PCDHA8: variants seen among roughly 807,000 people sequenced by gnomAD.
The protein encoded by PCDHA8 is protocadherin alpha 8.
A neutral mutation model predicts 61.8 loss-of-function variants in PCDHA8; 53 were observed. The observed-to-expected ratio is 0.86, with a 90% CI of 0.69 to 1.08. The LOEUF (loss-of-function observed/expected upper bound fraction) is 1.08, where lower values mean the gene tolerates loss of function less well. PCDHA8 is among the 50% of genes least tolerant of loss of function. PCDHA8 has a pLI of 0.00. For missense variants in PCDHA8, 1,293 were observed against 1,245.0 expected (o/e 1.04, Z -0.58); for synonymous variants, 618 against 556.6 (o/e 1.11, Z -1.55).
intron 1 of PCDHA8, chr5:140,876,134 A>T: frequency 6.2e-7 from 1 of 1,613,962 alleles, no homozygotes; most frequent in Non-Finnish European, 8.5e-7. Flanking sequence ...GGTAAACCAG[A>T]ACTAACAGGG....
intron 1 of PCDHA8, among the ~76,000 whole-genome samples, chr5:140,906,410 A>T (rs1454575995): frequency 6.6e-6 from 1 of 152,246 alleles, no homozygotes; most frequent in Non-Finnish European, 1.5e-5. Flanking sequence ...ATATGAAGTC[A>T]ATAAATCTTA....
At chr5:140,978,703 G>A (rs556167285) in intron 1 of PCDHA8, among the ~76,000 whole-genome samples, 9 of 152,210 alleles carry the variant, frequency 5.9e-5, no homozygotes, top group Non-Finnish European at 1.3e-4. Flanking sequence ...AGCCAAAGGT[G>A]GCCTTTACAA....
At chr5:140,852,630 T>C in intron 1 of PCDHA8, 1 of 954,540 alleles carries the variant, frequency 1.0e-6, no homozygotes, top group Non-Finnish European at 1.3e-6. Context: ...GTCTCTGAGC[T>C]CCTGTCATTA....
intron 1 of PCDHA8, chr5:140,969,328 T>C (rs2096319778): frequency 1.2e-6 from 2 of 1,614,124 alleles, no homozygotes; most frequent in Admixed American, 1.7e-5. Flanking sequence ...TTTCTCAAAA[T>C]GAGGTGAGAC....
intron 3 of PCDHA8, among the ~76,000 whole-genome samples, chr5:140,982,945 G>A (rs2097017253): frequency 6.6e-6 from 1 of 151,722 alleles, no homozygotes; most frequent in Non-Finnish European, 1.5e-5. Flanking sequence ...TTTGGTTGAA[G>A]ACTATGGAAA....
At chr5:141,008,557 T>G (rs1394611167) in intron 3 of PCDHA8, among the ~76,000 whole-genome samples, 3 of 152,218 alleles carry the variant, frequency 2.0e-5, no homozygotes, top group African/African-American at 7.2e-5. Flanking sequence ...CTCCTGTGGA[T>G]GCATAATCAT....
intron 1 of PCDHA8, among the ~76,000 whole-genome samples, chr5:140,901,976 T>C (rs1470395593): frequency 6.6e-6 from 1 of 152,164 alleles, no homozygotes; most frequent in African/African-American, 2.4e-5. Context: ...ATGGGATTAC[T>C]TTTTAATTTC....
At chr5:140,851,465 C>A in intron 1 of PCDHA8, 1 of 894,660 alleles carries the variant, frequency 1.1e-6, no homozygotes, top group Non-Finnish European at 1.4e-6. Flanking sequence ...CAAATTATGT[C>A]AATAAATGTT....
chr5:141,003,589 A>G (rs781995684), intron 3 of PCDHA8, among the ~76,000 whole-genome samples: 9 of 152,170 alleles, frequency 5.9e-5, no homozygotes, highest in Non-Finnish European at 1.3e-4. Context: ...CTGGGATTTT[A>G]GATGTGAGCC....
chr5:140,957,937 A>G (rs2095399590), intron 1 of PCDHA8, among the ~76,000 whole-genome samples: 1 of 152,112 alleles, frequency 6.6e-6, no homozygotes, highest in Admixed American at 6.5e-5. Flanking sequence ...AAATAATTTA[A>G]AGATCTTTAA....
chr5:140,918,901 CTT>C (rs1386679785), intron 1 of PCDHA8, among the ~76,000 whole-genome samples: 6 of 152,198 alleles, frequency 3.9e-5, no homozygotes, highest in African/African-American at 1.4e-4. Flanking sequence ...ATAAATCTCT[CTT>C]GTTTATTAAC....
chr5:140,937,795 C>T (rs1472022589), intron 1 of PCDHA8, among the ~76,000 whole-genome samples: 1 of 151,670 alleles, frequency 6.6e-6, no homozygotes, highest in Non-Finnish European at 1.5e-5. Context: ...GTATGTAGTC[C>T]CAGCTACTCG....
intron 1 of PCDHA8, among the ~76,000 whole-genome samples, chr5:140,916,285 G>A (rs530335868): frequency 1.2e-4 from 18 of 152,154 alleles, no homozygotes; most frequent in Non-Finnish European, 2.4e-4. Flanking sequence ...TCTACTCCAC[G>A]TGGCCAAACT....
intron 1 of PCDHA8, chr5:140,848,937 C>G: frequency 1.2e-6 from 2 of 1,607,518 alleles, no homozygotes; most frequent in Non-Finnish European, 1.7e-6. Context: ...ATCCAGGCCG[C>G]TTGACTCTCG....
intron 1 of PCDHA8, chr5:140,875,922 T>C: frequency 6.2e-7 from 1 of 1,614,200 alleles, no homozygotes; most frequent in South Asian, 1.1e-5. Context: ...CTCTGGACTC[T>C]CATTTTCCTC....
At chr5:140,856,346 G>T in intron 1 of PCDHA8, 1 of 1,598,632 alleles carries the variant, frequency 6.3e-7, no homozygotes, top group Non-Finnish European at 8.6e-7. Context: ...GCGGAGCGTG[G>T]AGTGCAGCAT....
At chr5:140,967,155 C>A (rs1554229255) in intron 1 of PCDHA8, 1 of 1,610,598 alleles carries the variant, frequency 6.2e-7, no homozygotes, top group Admixed American at 1.7e-5. Context: ...AACCCCGTGG[C>A]GGTGAGCGCC....
chr5:141,010,325 G>T lies in PCDHA8; in HGVS notation c.*388G>T. On this transcript the variant is annotated 3_prime_UTR_variant, in exon 4 of 4. Coordinates refer to ENST00000531613, the MANE Select transcript of PCDHA8 (RefSeq NM_018911.3). Reference sequence around the variant, plus strand: ...GAAAAGTTTTGAGATTGAGCAGCTTGGGAGTTTGTGGCCACTGGGTATGTG... The same window carrying T: ...GAAAAGTTTTGAGATTGAGCAGCTTTGGAGTTTGTGGCCACTGGGTATGTG... 1 of 1,539,506 alleles carries T rather than the reference G, an allele frequency of 6.5e-7. No individual in the cohort carries two copies. The highest frequency in any genetic ancestry group is 8.7e-7 in the Non-Finnish European group (1 of 1,142,888).
rs1443126988 is a variant in PCDHA8 at position 140,960,088 on chromosome 5, A to G, written c.2395-18861A>G. Among the ~76,000 whole-genome samples, 6 of 152,248 alleles carry G rather than the reference A, an allele frequency of 3.9e-5. No homozygotes were observed. The East Asian group carries it at 5.8e-4, about 15-fold the overall frequency. ...TTCAATTGAAGTTTCTAAAAGAGAA[A>G]GAAACTTGTAGTTGTGGGAACAATA... On this transcript the variant is annotated intron_variant, in intron 1 of 3. Coordinates refer to ENST00000531613, the MANE Select transcript of PCDHA8 (RefSeq NM_018911.3).
Sources: allele counts gnomAD v4.1 joint callset (sites outside exome capture counted in the v4.1 genomes callset), GRCh38; gene constraint gnomAD v4.1.1; transcripts MANE v1.5; gene names NCBI Gene and HGNC (gene_info 2026-07-23, HGNC 2026-07-21).